The following PARP15 variants were observed in gnomAD, a reference collection of about 807,000 sequenced individuals.
The protein encoded by PARP15 is poly(ADP-ribose) polymerase family member 15.
Under a neutral mutation model 62.1 loss-of-function variants are expected in PARP15, and 50 were observed. The ratio of observed to expected loss-of-function variants is 0.81; its 90% CI spans 0.64 to 1.02. PARP15 has a LOEUF of 1.02. Ranked by LOEUF, PARP15 falls within the 50% of genes least tolerant of loss-of-function variation. The pLI is 0.00. For synonymous variants in PARP15, 309 were observed against 293.1 expected (o/e 1.05, Z -0.55); for missense variants, 820 against 826.5 (o/e 0.99, Z 0.10).
At position 122,621,570 on chromosome 3, in the gene PARP15, A is replaced by C; in HGVS notation, c.1190A>C (p.Gln397Pro). The C allele has an allele frequency of 1.9e-6, 3 of 1,612,050 alleles. No homozygotes were observed. Among genetic ancestry groups the C allele is most frequent in the Non-Finnish European group, 2.5e-6 (3 of 1,179,468 alleles). Residue 397 changes from glutamine to proline, a missense_variant, in exon 8 of 12, where the codon CAG (glutamine) becomes CCG (proline). Gln to Pro is a moderately conservative substitution (Grantham distance 76). This residue lies in a region of PARP15 where 731 missense variants were observed against 727.7 expected (regional missense o/e 1.00). Transcript: ENST00000464300. ...TVTSVLEECE[Q>P]RKYTSVSLPA... is the part of the protein sequence containing the mutation. ...ACCAGTGTTCTAGAAGAGTGTGAAC[A>C]GAGGAAGTACACATCGGTTTCCCTT...
Position 122,635,175 on chromosome 3 carries a change from A to C in PARP15, c.1728A>C (p.Arg576Ser). 1 of 1,613,386 alleles carries C rather than the reference A, an allele frequency of 6.2e-7. No homozygotes were observed. Among genetic ancestry groups the C allele is most frequent in the Non-Finnish European group, 8.5e-7 (1 of 1,179,758 alleles). Reference sequence around the variant, plus strand: ...ATGTCAATCAGCACGGCTTTAATAGAAGTTGTGCTGGGAAAAATGGTAAGG... The same window carrying C: ...ATGTCAATCAGCACGGCTTTAATAGCAGTTGTGCTGGGAAAAATGGTAAGG... ...VPYVNQHGFN[R>S]SCAGKNAVSY... The change falls in exon 11 of 12, where the codon AGA becomes AGC. Residue 576 changes from arginine (R) to serine (S), a missense_variant. This residue lies in a region of PARP15 where 731 missense variants were observed against 727.7 expected (regional missense o/e 1.00). Coordinates refer to ENST00000464300, the MANE Select transcript of PARP15 (RefSeq NM_001113523.3).
chr3:122,592,545 ATTTACC>A (rs2107478982), intron 1 of PARP15, among the ~76,000 whole-genome samples: 1 of 152,180 alleles, frequency 6.6e-6, no homozygotes, highest in South Asian at 2.1e-4. Flanking sequence ...CACGGCAAAC[ATTTACC>A]TATGTAACAA....
intron 8 of PARP15, among the ~76,000 whole-genome samples, chr3:122,625,262 G>A (rs997916591): frequency 6.6e-6 from 1 of 151,702 alleles, no homozygotes; most frequent in African/African-American, 2.4e-5. Flanking sequence ...TTTTTTTGTT[G>A]TTGTTTTTTG....
chr3:122,615,550 T>C, intron 4 of PARP15: 2 of 1,150,892 alleles, frequency 1.7e-6, no homozygotes, highest in East Asian at 2.8e-5. Flanking sequence ...GCTGACATAC[T>C]TGCCTGGACA....
intron 1 of PARP15, 49 bp from the exon 2 acceptor site, chr3:122,605,886 GA>G (rs1935129763): frequency 2.0e-6 from 3 of 1,538,276 alleles, no homozygotes; most frequent in South Asian, 1.2e-5. Context: ...TGGCCTAAGA[GA>G]ACTCTTGAAA....
chr3:122,621,687 T>G (rs1399333862), intron 8 of PARP15, 76 bp downstream of exon 8: 3 of 1,365,906 alleles, frequency 2.2e-6, no homozygotes, highest in Non-Finnish European at 3.0e-6. Flanking sequence ...CTTAAGCAGA[T>G]CAGTGCTGAA....
At chr3:122,589,887 A>ATTTTTTTTTTTTTTTTTTTT (rs1559928879) in intron 1 of PARP15, among the ~76,000 whole-genome samples, 1 of 130,384 alleles carries the variant, frequency 7.7e-6, no homozygotes, top group African/African-American at 2.9e-5. Context: ...GTAAGGCATA[A>ATTTTTTTTTTTTTTTTTTTT]CTTTTTTTTT....
chr3:122,621,339 C>T, intron 7 of PARP15, 105 bp from the exon 8 acceptor site: 1 of 1,224,028 alleles, frequency 8.2e-7, no homozygotes, highest in Non-Finnish European at 1.1e-6. Flanking sequence ...TGAGACTGGG[C>T]TTCACAGCCT....
chr3:122,610,974 C>T (rs115834480), intron 3 of PARP15, among the ~76,000 whole-genome samples: 2,432 of 152,262 alleles, frequency 0.016, 64 homozygotes, highest in African/African-American at 0.053. Context: ...ATTGATTGAA[C>T]CCTGTCTATC....
chr3:122,594,042 G>A (rs891082327), intron 1 of PARP15, among the ~76,000 whole-genome samples: 1 of 152,120 alleles, frequency 6.6e-6, no homozygotes, highest in Non-Finnish European at 1.5e-5. Flanking sequence ...ATGAAATTGG[G>A]GGTTAGAGAG....
At chr3:122,603,752 C>T (rs971123665) in intron 1 of PARP15, among the ~76,000 whole-genome samples, 1 of 152,100 alleles carries the variant, frequency 6.6e-6, no homozygotes, top group Non-Finnish European at 1.5e-5. Context: ...ATCAAACATA[C>T]CAGTGTGCAT....
intron 2 of PARP15, 93 bp downstream of exon 2, chr3:122,606,148 CTTA>C: frequency 7.3e-7 from 1 of 1,375,426 alleles, no homozygotes; most frequent in Middle Eastern, 1.9e-4. Context: ...TGTTCTTTAT[CTTA>C]ATCAAAGATT....
Position 122,638,862 on chromosome 3 carries a change from CTTA to C in PARP15, c.*2765_*2767del, listed in dbSNP as rs1937488643. ...ACATTACAAGTTGTTCTCTTGTGTT[CTTA>C]TTTTTTCTGTAAACATAATTTTAAT... On this transcript the variant is annotated 3_prime_UTR_variant, in exon 12 of 12. Coordinates refer to ENST00000464300, the MANE Select transcript of PARP15 (RefSeq NM_001113523.3). 6.6e-6 allele frequency: 1 copy of C among 151,974 alleles called. No individual in the cohort carries two copies. The highest frequency in any genetic ancestry group is 2.4e-5 in the African/African-American group (1 of 41,388). The allele number at this position is 151,974 out of a possible 1,614,324, so 9.4% of individuals were successfully genotyped here. A position where few individuals can be genotyped will look rare whatever the true frequency, so the allele number is the denominator to read the frequency against.
At chr3:122,634,872 T>G in intron 10 of PARP15, 148 bp from the exon 11 acceptor site, 1 of 745,586 alleles carries the variant, frequency 1.3e-6, no homozygotes. Flanking sequence ...CTGAATTTGC[T>G]GTCTATTTGT....
chr3:122,577,941 G>A, intron 1 of PARP15, 88 bp downstream of exon 1: 1 of 1,374,572 alleles, frequency 7.3e-7, no homozygotes, highest in Non-Finnish European at 9.6e-7. Context: ...CGGGCGCAGA[G>A]ACCCCACGCC....
At chr3:122,584,016 TAA>T (rs1251716885) in intron 1 of PARP15, among the ~76,000 whole-genome samples, 1 of 34,394 alleles carries the variant, frequency 2.9e-5, no homozygotes, top group Non-Finnish European at 1.0e-4. Context: ...CTCCATGTGG[TAA>T]GCCTATGTGG....
rs754461351 is a variant in PARP15 at position 122,615,826 on chromosome 3, G to A, written c.819G>A (p.Lys273=). The A allele has an allele frequency of 2.5e-6, 4 of 1,613,484 alleles. No homozygotes were observed. Among genetic ancestry groups the A allele is most frequent in the Middle Eastern group, 1.7e-4 (1 of 6,060 alleles). The change falls in exon 5 of 12, where the codon AAG becomes AAA. Residue 273 remains lysine (K), a synonymous_variant. Coordinates refer to ENST00000464300, the MANE Select transcript of PARP15 (RefSeq NM_001113523.3). ...ACTGGTCAAGAATAAATCCCAACAA[G>A]GCCAGGATTCCCATGGCAGGAGATA... ...FTNWSRINPN[K]ARIPMAGDTQ...
At chr3:122,581,030 G>GA (rs2080792299) in intron 1 of PARP15, among the ~76,000 whole-genome samples, 2 of 152,136 alleles carry the variant, frequency 1.3e-5, no homozygotes, top group African/African-American at 4.8e-5. Flanking sequence ...TTGTAGCCTA[G>GA]GAGCAATAGA....
intron 1 of PARP15, among the ~76,000 whole-genome samples, chr3:122,602,947 C>A (rs1395751380): frequency 1.3e-5 from 2 of 152,214 alleles, no homozygotes. Context: ...ATTTCAGTCT[C>A]ATGAGTGTCA....
Sources: allele counts gnomAD v4.1 joint callset (sites outside exome capture counted in the v4.1 genomes callset), GRCh38; gene constraint gnomAD v4.1.1; regional missense constraint gnomAD v4.1.1; transcripts MANE v1.5; gene names NCBI Gene and HGNC (gene_info 2026-07-23, HGNC 2026-07-21).